The following ATG13 variants were observed in gnomAD, a reference collection of about 807,000 sequenced individuals.
ATG13 encodes autophagy-related protein 13.
Under a neutral mutation model 65.5 loss-of-function variants are expected in ATG13, and 23 were observed. The ratio of observed to expected loss-of-function variants is 0.35; its 90% confidence interval spans 0.25 to 0.50. The LOEUF (loss-of-function observed/expected upper bound fraction) is 0.50, where lower values mean the gene tolerates loss of function less well. ATG13 is among the 20% of genes least tolerant of loss of function. The pLI, the probability that ATG13 is intolerant of heterozygous loss-of-function variation, is 0.98. For missense variants in ATG13, 566 were observed against 677.0 expected, an observed-to-expected ratio of 0.84 and a Z score of 1.82; for synonymous variants, 252 against 245.2, an observed-to-expected ratio of 1.03 and a Z score of -0.26.
intron 15 of ATG13, 115 bp from the exon 16 acceptor site, chr11:46,668,384 A>AT: frequency 9.8e-7 from 1 of 1,023,666 alleles, no homozygotes; most frequent in East Asian, 2.4e-5. Context: ...AAGGGGCAGC[A>AT]TGGTCAGCAT....
rs376061487 is a variant in ATG13, at chr11:46,640,028, A to G, written c.-13-4251A>G. 2.4e-4 allele frequency among the ~76,000 whole-genome samples: 37 copies of G among 151,290 alleles called. 1 individual carries two copies. Among genetic ancestry groups the G allele is most frequent in the African/African-American group, 8.3e-4 (34 of 41,200 alleles). On this transcript the variant is annotated intron_variant, in intron 2 of 18. Coordinates refer to ENST00000683050, the MANE Select transcript of ATG13 (RefSeq NM_001346311.2). ...GCTAATTTTTATATTTTTTTTTCCT[A>G]GAGATGGGGTTTCACCATGTTGCCC...
At chr11:46,626,513 G>A (rs2049708951) in intron 1 of ATG13, among the ~76,000 whole-genome samples, 1 of 152,178 alleles carries the variant, frequency 6.6e-6, no homozygotes, top group African/African-American at 2.4e-5. Flanking sequence ...GCCTCCCAGA[G>A]TGCTGGGATT....
At chr11:46,658,927 C>T (rs2060586944) in intron 10 of ATG13, among the ~76,000 whole-genome samples, 1 of 152,174 alleles carries the variant, frequency 6.6e-6, no homozygotes, top group Admixed American at 6.5e-5. Flanking sequence ...CAGTGGCTCA[C>T]ACCTGTAATC....
intron 2 of ATG13, among the ~76,000 whole-genome samples, chr11:46,639,717 C>G (rs2055233826): frequency 6.6e-6 from 1 of 151,610 alleles, no homozygotes; most frequent in Non-Finnish European, 1.5e-5. Context: ...GATCATTGGT[C>G]AAAGTATGCA....
At position 46,667,779 on chromosome 11, in the gene ATG13, T is replaced by A; in HGVS notation, c.1143T>A (p.Asp381Glu). ...CTTCACCTTTCTCCTCCAGTGAGGA[T>A]ACTGAAACCGTATCAAACAGCAGTG... The part of the protein sequence containing the change: ...HCAATPSSSE[D>E]TETVSNSSEG... Residue 381 changes from aspartate (D) to glutamate (E), a missense_variant, in exon 15 of 19, where the codon GAT becomes GAA. Around this residue, in one of 2 missense-constraint regions of ATG13, gnomAD observed 387 missense variants for 409.8 expected, o/e 0.94. Coordinates refer to ENST00000683050, the MANE Select transcript of ATG13 (RefSeq NM_001346311.2). The A allele has an allele frequency of 1.2e-6, 2 of 1,603,080 alleles. No homozygotes were observed. The highest frequency in any genetic ancestry group is 1.7e-6 in the Non-Finnish European group (2 of 1,170,768).
chr11:46,637,086 G>T (rs781699264), intron 2 of ATG13, among the ~76,000 whole-genome samples: 1 of 152,174 alleles, frequency 6.6e-6, no homozygotes. Flanking sequence ...AGGATAAGGG[G>T]TATTAAGGAG....
At chr11:46,659,534 T>C in intron 11 of ATG13, 49 bp downstream of exon 11, 1 of 1,457,962 alleles carries the variant, frequency 6.9e-7, no homozygotes, top group Non-Finnish European at 9.6e-7. Flanking sequence ...GGTATATATA[T>C]GGGCTTTATG....
chr11:46,664,095 A>C lies in ATG13; in HGVS notation c.888A>C (p.Gln296His). ...VPMAGLAFSH[Q>H]LSSSRLSYQP... ...TGGCAGGACTGGCCTTTTCCCATCA[A>C]GTGAGTCCATAATGGGAAGAAGGGG... Residue 296 changes from glutamine (Q) to histidine (H), a missense_variant and splice_region_variant, in exon 12 of 19, where the codon CAA becomes CAC. Physicochemically the swap from Gln to His is conservative, Grantham distance 24. This residue lies in a region of ATG13 where 387 missense variants were observed against 409.8 expected (regional missense o/e 0.94). Coordinates refer to ENST00000683050, the MANE Select transcript of ATG13 (RefSeq NM_001346311.2). The C allele has an allele frequency of 6.3e-7, 1 of 1,582,582 alleles. No homozygotes were observed. The highest frequency in any genetic ancestry group is 8.5e-7 in the Non-Finnish European group (1 of 1,169,874).
At chr11:46,665,263 T>C in intron 13 of ATG13, 120 bp from the exon 14 acceptor site, 1 of 1,254,710 alleles carries the variant, frequency 8.0e-7, no homozygotes, top group East Asian at 2.3e-5. Flanking sequence ...GATTGCTGCC[T>C]ACTTGGTGGC....
intron 11 of ATG13, 120 bp downstream of exon 11, chr11:46,659,605 GTTAC>G (rs1592110583): frequency 1.3e-6 from 1 of 753,316 alleles, no homozygotes; most frequent in East Asian, 2.6e-5. Context: ...TTTCAAAGGG[GTTAC>G]TTTGAGGGGT....
chr11:46,654,247 A>G (rs1021750124), intron 7 of ATG13, among the ~76,000 whole-genome samples: 1 of 144,798 alleles, frequency 6.9e-6, no homozygotes, highest in African/African-American at 2.6e-5. Flanking sequence ...AGCCTGGGTC[A>G]CATGGCAAGA....
At chr11:46,636,341 A>T (rs184904126) in intron 2 of ATG13, among the ~76,000 whole-genome samples, 2 of 152,136 alleles carry the variant, frequency 1.3e-5, no homozygotes, top group Admixed American at 1.3e-4. Context: ...GTGGATCATG[A>T]GGTCAGGAGA....
At chr11:46,662,961 C>T (rs1456865880) in intron 11 of ATG13, among the ~76,000 whole-genome samples, 1 of 152,060 alleles carries the variant, frequency 6.6e-6, no homozygotes, top group Non-Finnish European at 1.5e-5. Flanking sequence ...ATTAGCTAAT[C>T]GGTCAGGTTT....
At chr11:46,647,280 GTTTTTTT>G (rs60893694) in intron 5 of ATG13, among the ~76,000 whole-genome samples, 10 of 55,942 alleles carry the variant, frequency 1.8e-4, no homozygotes, top group African/African-American at 4.0e-4. Context: ...TGTTTTTTTT[GTTTTTTT>G]TTTTTGTTTT....
rs891958742 is a variant in ATG13, at chr11:46,626,182, C to T, written c.-69-3863C>T. On this transcript the variant is annotated intron_variant, in intron 1 of 18. Coordinates refer to ENST00000683050, the MANE Select transcript of ATG13 (RefSeq NM_001346311.2). The stretch of plus-strand genomic sequence containing the variant: ...ATGTTAGCCAGGATGGTCTTGATCT[C>T]CTGACCTTGTGATCCACCCGCCTCG... Among the ~76,000 whole-genome samples, 6 of 152,034 alleles carry T rather than the reference C, an allele frequency of 3.9e-5. No homozygotes were observed. In the South Asian group the frequency reaches 8.3e-4, roughly 21 times the overall value.
chr11:46,672,082 C>T (rs549244838), intron 18 of ATG13, among the ~76,000 whole-genome samples, 173 bp from the exon 19 acceptor site: 2 of 152,352 alleles, frequency 1.3e-5, no homozygotes, highest in South Asian at 4.1e-4. Flanking sequence ...AGCCCTGATG[C>T]ATATACCCCT....
chr11:46,637,559 G>A (rs571635714), intron 2 of ATG13, among the ~76,000 whole-genome samples: 1 of 152,248 alleles, frequency 6.6e-6, no homozygotes, highest in South Asian at 2.1e-4. Context: ...TTTTTTGGTA[G>A]AGACAGGGTT....
At chr11:46,622,247 A>C (rs2047976616) in intron 1 of ATG13, among the ~76,000 whole-genome samples, 1 of 150,794 alleles carries the variant, frequency 6.6e-6, no homozygotes, top group African/African-American at 2.4e-5. Flanking sequence ...CCTCCCGTCT[A>C]GCTGGGACTA....
intron 3 of ATG13, 89 bp downstream of exon 3, chr11:46,644,449 A>AT: frequency 8.6e-7 from 1 of 1,166,646 alleles, no homozygotes. Flanking sequence ...GGAAAGTAGC[A>AT]TAACAGCTTG....
Sources: allele counts gnomAD v4.1 joint callset (sites outside exome capture counted in the v4.1 genomes callset), GRCh38; gene constraint gnomAD v4.1.1; regional missense constraint gnomAD v4.1.1; transcripts MANE v1.5; gene names NCBI Gene and HGNC (gene_info 2026-07-23, HGNC 2026-07-21).